The following OTOA variants were observed in gnomAD, a reference collection of about 807,000 sequenced individuals.
OTOA encodes the protein cancer/testis antigen 108.
In OTOA, 70 loss-of-function variants were observed where a neutral mutation model predicts 110.8. The ratio of observed to expected loss-of-function variants is 0.63; its 90% confidence interval spans 0.52 to 0.77. The LOEUF is 0.77. Ranked by LOEUF, OTOA falls within the 30% of genes least tolerant of loss-of-function variation. The pLI is 0.00. For synonymous variants in OTOA, 373 were observed against 431.5 expected (o/e 0.86, Z 1.68); for missense variants, 917 against 1,075.8 (o/e 0.85, Z 2.06).
At chr16:21,685,149 GGCTGGGCC>G in intron 6 of OTOA, 73 bp from the exon 7 acceptor site, 1 of 1,571,220 alleles carries the variant, frequency 6.4e-7, no homozygotes, top group Non-Finnish European at 8.7e-7. Context: ...GAGGGGGCCG[GGCTGGGCC>G]GCTGGCCATG....
chr16:21,679,489 C>T (rs922787949), intron 5 of OTOA, among the ~76,000 whole-genome samples: 16 of 152,100 alleles, frequency 1.1e-4, no homozygotes, highest in Non-Finnish European at 2.2e-4. Context: ...ACTGCAACCT[C>T]TGCCTCCGGG....
At chr16:21,736,558 C>A (rs1351886489) in intron 22 of OTOA, among the ~76,000 whole-genome samples, 168 bp downstream of exon 22, 1 of 152,212 alleles carries the variant, frequency 6.6e-6, no homozygotes, top group Admixed American at 6.5e-5. Flanking sequence ...GGTTCAGGTG[C>A]GGTTGCTCAA....
chr16:21,700,724 C>CAAAAA (rs3054189), intron 10 of OTOA, among the ~76,000 whole-genome samples, 164 bp from the exon 11 acceptor site: 1 of 115,728 alleles, frequency 8.6e-6, no homozygotes, highest in Non-Finnish European at 1.7e-5. Context: ...GACTCCATCT[C>CAAAAA]AAAAAAAAAA....
intron 14 of OTOA, among the ~76,000 whole-genome samples, chr16:21,715,375 A>G (rs1311622745): frequency 1.3e-5 from 2 of 151,662 alleles, no homozygotes; most frequent in Admixed American, 6.6e-5. Flanking sequence ...GTTCTGCCAG[A>G]CAGTCTAATC....
At chr16:21,737,950 A>G (rs1290231024) in intron 22 of OTOA, among the ~76,000 whole-genome samples, 1 of 152,312 alleles carries the variant, frequency 6.6e-6, no homozygotes, top group Non-Finnish European at 1.5e-5. Context: ...CACCCAACAA[A>G]TATTCGTTAA....
chr16:21,691,127 C>T (rs1371534900), intron 8 of OTOA, among the ~76,000 whole-genome samples: 1 of 152,014 alleles, frequency 6.6e-6, no homozygotes, highest in African/African-American at 2.4e-5. Context: ...CATCCATGTC[C>T]CTGCAAAGGA....
chr16:21,710,110 T>G lies in OTOA; in HGVS notation c.1320+7T>G. On this transcript the variant is annotated splice_region_variant and intron_variant, in intron 13 of 28. Transcript: ENST00000646100. ...ATACTTGGCCCATGAGAAGGTCAGC[T>G]GGAGTTTTAAACTCTTTTTTATTCC... 4 of 1,606,152 alleles carry G rather than the reference T, an allele frequency of 2.5e-6. No homozygotes were observed. The Middle Eastern group carries it at 5.0e-4, about 199-fold the overall frequency.
rs1188193960 is a variant in OTOA at position 21,685,370 on chromosome 16, C to A, written c.399+9C>A. On this transcript the variant is annotated intron_variant, in intron 7 of 28. Coordinates refer to ENST00000646100, the MANE Select transcript of OTOA (RefSeq NM_144672.4). ...ACAAGAAGGACGGCTTGGTGAGGAGCCCTTGGCATCCCGGGGATAGAGGAA... is the reference window on the plus strand; with the variant it reads ...ACAAGAAGGACGGCTTGGTGAGGAGACCTTGGCATCCCGGGGATAGAGGAA... The A allele has an allele frequency of 6.2e-7, 1 of 1,609,398 alleles. No homozygotes were observed. Among genetic ancestry groups the A allele is most frequent in the South Asian group, 1.1e-5 (1 of 90,946 alleles).
At chr16:21,710,748 A>G (rs1898330236) in intron 13 of OTOA, among the ~76,000 whole-genome samples, 1 of 152,190 alleles carries the variant, frequency 6.6e-6, no homozygotes, top group Non-Finnish European at 1.5e-5. Flanking sequence ...CACACCTGCA[A>G]TCCCAGCACT....
intron 23 of OTOA, among the ~76,000 whole-genome samples, chr16:21,743,640 G>A (rs1431900633): frequency 6.7e-5 from 10 of 148,750 alleles, no homozygotes; most frequent in Non-Finnish European, 9.0e-5. Context: ...TTCCAGTATC[G>A]TAAATGGTGA....
At chr16:21,753,869 T>C (rs1432817718) in intron 27 of OTOA, among the ~76,000 whole-genome samples, 1 of 131,054 alleles carries the variant, frequency 7.6e-6, no homozygotes, top group Non-Finnish European at 1.7e-5. Flanking sequence ...GAGACCAGCC[T>C]GGCCAATGTG....
At chr16:21,714,255 C>CTTTCTTT (rs1164525028) in intron 13 of OTOA, among the ~76,000 whole-genome samples, 3 of 4,280 alleles carry the variant, frequency 7.0e-4, no homozygotes, top group Admixed American at 2.3e-3. Context: ...TTTCTTTTTT[C>CTTTCTTT]TTTCTTTCTT....
chr16:21,681,824 A>G lies in OTOA; in HGVS notation c.266A>G (p.Gln89Arg). Residue 89 changes from glutamine to arginine, a missense_variant and splice_region_variant, in exon 6 of 29, where the codon CAG becomes CGG. Gln to Arg is a conservative substitution (Grantham distance 43). Around this residue, in one of 6 missense-constraint regions of OTOA, gnomAD observed 840 missense variants for 910.2 expected, o/e 0.92. Coordinates refer to ENST00000646100, the MANE Select transcript of OTOA (RefSeq NM_144672.4). ...GTTGCCTTCACCATCCCCAGCCTGC[A>G]GGTGTGTACCTGAGACCCATCTATA... ...RNVAFTIPSLQAAVENHLEQR... is the reference protein window; with the variant it reads ...RNVAFTIPSLRAAVENHLEQR... 6.2e-7 allele frequency: 1 copy of G among 1,613,062 alleles called. No homozygotes were observed. The highest frequency in any genetic ancestry group is 8.5e-7 in the Non-Finnish European group (1 of 1,179,028).
chr16:21,715,932 T>C (rs1256036454), intron 14 of OTOA, among the ~76,000 whole-genome samples: 1 of 152,116 alleles, frequency 6.6e-6, no homozygotes, highest in Non-Finnish European at 1.5e-5. Flanking sequence ...TTTGTTTAGA[T>C]AGGGTCTTGC....
intron 17 of OTOA, among the ~76,000 whole-genome samples, chr16:21,722,097 C>CAAA (rs71379629): frequency 0.03 from 3,791 of 127,648 alleles, 188 homozygotes; most frequent in African/African-American, 0.11. Context: ...ACTAAAAATA[C>CAAA]AAAAAAAAAA....
intron 13 of OTOA, among the ~76,000 whole-genome samples, chr16:21,712,930 G>A (rs1898404092): frequency 1.3e-5 from 2 of 152,158 alleles, no homozygotes; most frequent in Admixed American, 1.3e-4. Flanking sequence ...AGAAGGCAGT[G>A]CTGGAGTCGG....
chr16:21,696,811 C>A (rs1292160381), intron 9 of OTOA, among the ~76,000 whole-genome samples: 1 of 151,878 alleles, frequency 6.6e-6, no homozygotes. Flanking sequence ...TATTTAGTAA[C>A]CAATCGAATG....
intron 22 of OTOA, among the ~76,000 whole-genome samples, chr16:21,738,378 C>G (rs1899410677): frequency 2.6e-5 from 3 of 117,144 alleles, no homozygotes; most frequent in Non-Finnish European, 5.5e-5. Flanking sequence ...TGACATCGAG[C>G]AAAGAAGTAT....
At chr16:21,756,319 C>T (rs1480330236) in intron 27 of OTOA, among the ~76,000 whole-genome samples, 3 of 151,954 alleles carry the variant, frequency 2.0e-5, no homozygotes, top group East Asian at 3.8e-4. Context: ...TAGATGACTG[C>T]ATTTTCCCTC....
Sources: allele counts gnomAD v4.1 joint callset (sites outside exome capture counted in the v4.1 genomes callset), GRCh38; gene constraint gnomAD v4.1.1; regional missense constraint gnomAD v4.1.1; transcripts MANE v1.5; gene names NCBI Gene and HGNC (gene_info 2026-07-23, HGNC 2026-07-21).